FOXP1: variants seen among roughly 807,000 people sequenced by gnomAD.
FOXP1 encodes the protein forkhead box protein P1.
Under a neutral mutation model 98.2 loss-of-function variants are expected in FOXP1, and 15 were observed. That is an observed-to-expected ratio of 0.15 (90% CI 0.10 to 0.24). FOXP1 has a LOEUF of 0.24. Among genes scored for constraint, FOXP1 ranks in the 10% least tolerant of loss-of-function variants. The probability of loss-of-function intolerance (pLI) is 1.00; values close to 1 mark genes in which losing one functional copy is unlikely to be tolerated. For synonymous variants in FOXP1, 371 were observed against 314.5 expected, an observed-to-expected ratio of 1.18 and a Z score of -1.90; for missense variants, 633 against 848.5, an observed-to-expected ratio of 0.75 and a Z score of 3.15.
chr3:71,156,035 G>C lies in FOXP1; in HGVS notation c.180+42167C>G, dbSNP rs186319301. On this transcript the variant is annotated intron_variant, in intron 6 of 20. Coordinates refer to ENST00000649528, the MANE Select transcript of FOXP1 (RefSeq NM_001349338.3). Reference sequence around the variant, plus strand: ...GTAGGGCTCAGTTGGGGTTCTCACTGATTGCCTGTCTGACAGCAATCTCTC... The same window carrying C: ...GTAGGGCTCAGTTGGGGTTCTCACTCATTGCCTGTCTGACAGCAATCTCTC... Among the ~76,000 whole-genome samples the C allele has an allele frequency of 1.1e-4, 17 of 152,290 alleles. No individual in the cohort carries two copies. The East Asian group carries it at 3.3e-3, about 29-fold the overall frequency.
intron 7 of FOXP1, among the ~76,000 whole-genome samples, chr3:71,106,369 G>A (rs1230990974): frequency 6.6e-6 from 1 of 152,040 alleles, no homozygotes; most frequent in Non-Finnish European, 1.5e-5. Flanking sequence ...ACAGAGTCTC[G>A]CTGTCGCCCA....
At chr3:71,087,502 T>G (rs958636351) in intron 7 of FOXP1, among the ~76,000 whole-genome samples, 2 of 152,190 alleles carry the variant, frequency 1.3e-5, no homozygotes, top group African/African-American at 4.8e-5. Context: ...CATCACAAAA[T>G]GACAACAAAA....
At chr3:71,501,398 G>A (rs551672002) in intron 2 of FOXP1, among the ~76,000 whole-genome samples, 150 of 149,794 alleles carry the variant, frequency 1.0e-3, no homozygotes, top group African/African-American at 3.5e-3. Flanking sequence ...TGGTTCAAGC[G>A]ATTCTCCTGC....
At chr3:71,535,633 T>C (rs1189897318) in intron 2 of FOXP1, among the ~76,000 whole-genome samples, 5 of 152,106 alleles carry the variant, frequency 3.3e-5, no homozygotes, top group Middle Eastern at 3.2e-3. Flanking sequence ...GAGGCTGAGG[T>C]AGGATCTTTG....
chr3:71,030,873 G>C lies in FOXP1; in HGVS notation c.869+10455C>G, dbSNP rs2046776410. Among the ~76,000 whole-genome samples, 3 of 152,094 alleles carry C rather than the reference G, an allele frequency of 2.0e-5. No individual in the cohort carries two copies. The South Asian group carries it at 6.2e-4, about 32-fold the overall frequency. On this transcript the variant is annotated intron_variant, in intron 11 of 20. Transcript: ENST00000649528. ...CTTTAACACGAGACATCTTGTTCTT[G>C]TCATAAATCTGACTCATATGGAAAA...
intron 6 of FOXP1, among the ~76,000 whole-genome samples, chr3:71,145,263 G>A (rs181530510): frequency 5.2e-4 from 79 of 152,106 alleles, no homozygotes; most frequent in Middle Eastern, 3.4e-3. Context: ...CAGGCTGGGC[G>A]TGGTGGCTCA....
rs1246996882 is a variant in FOXP1 at position 70,954,785 on chromosome 3, CACA to C, written c.*4459_*4461del. On this transcript the variant is annotated 3_prime_UTR_variant, in exon 21 of 21. Transcript: ENST00000649528. ...TAATGTCAGTAATTAGTACTGACTA[CACA>C]ACATTTTTTTTATTGTCTGTATCCG... is the stretch of plus-strand genomic sequence containing the variant. The C allele has an allele frequency of 1.7e-5, 4 of 231,290 alleles. No homozygotes were observed. Among genetic ancestry groups the C allele is most frequent in the African/African-American group, 6.6e-5 (3 of 45,246 alleles). 14.3% of individuals were successfully genotyped at this position (231,290 alleles called of 1,614,324 possible). A position where few individuals can be genotyped will look rare whatever the true frequency, so the allele number is the denominator to read the frequency against.
intron 3 of FOXP1, among the ~76,000 whole-genome samples, chr3:71,400,214 A>G (rs950674707): frequency 3.3e-5 from 5 of 152,176 alleles, no homozygotes; most frequent in African/African-American, 1.2e-4. Flanking sequence ...TATTGATATC[A>G]TTACCTGGCT....
At chr3:71,020,880 C>G (rs1440847794) in intron 11 of FOXP1, among the ~76,000 whole-genome samples, 1 of 152,050 alleles carries the variant, frequency 6.6e-6, no homozygotes, top group African/African-American at 2.4e-5. Context: ...ACATCTGTGC[C>G]CATTACGGTT....
At chr3:71,043,982 T>C (rs181523940) in intron 10 of FOXP1, among the ~76,000 whole-genome samples, 1 of 152,220 alleles carries the variant, frequency 6.6e-6, no homozygotes, top group Non-Finnish European at 1.5e-5. Flanking sequence ...GCGATACTTC[T>C]GGGTCAAACT....
In FOXP1 at chr3:71,082,140, G is replaced by A. The variant is rs561865814; in HGVS notation, c.283-28367C>T. On this transcript the variant is annotated intron_variant, in intron 7 of 20. Coordinates refer to ENST00000649528, the MANE Select transcript of FOXP1 (RefSeq NM_001349338.3). ...CTAAAAATACAAAAATGAGCTGGGC[G>A]TGGTGGCGCACGCCTGTAATCCCAG... Among the ~76,000 whole-genome samples the A allele has an allele frequency of 4.3e-4, 66 of 152,266 alleles. 1 individual carries two copies. The South Asian group carries it at 0.013, about 30-fold the overall frequency.
intron 12 of FOXP1, among the ~76,000 whole-genome samples, chr3:71,004,626 G>A (rs529659922): frequency 2.0e-5 from 3 of 151,966 alleles, no homozygotes; most frequent in Admixed American, 1.3e-4. Flanking sequence ...ACATTTTGAC[G>A]ACTTAAAAAA....
intron 3 of FOXP1, among the ~76,000 whole-genome samples, chr3:71,432,501 T>C (rs1174116039): frequency 6.6e-6 from 1 of 152,198 alleles, no homozygotes; most frequent in Non-Finnish European, 1.5e-5. Context: ...TTCCTTTTCC[T>C]GTCCCTCCCA....
At chr3:71,052,167 G>A (rs62257229) in intron 9 of FOXP1, among the ~76,000 whole-genome samples, 1 of 147,814 alleles carries the variant, frequency 6.8e-6, no homozygotes, top group African/African-American at 2.6e-5. Context: ...TCTGTGAGCT[G>A]GGGAAAAAAA....
rs2032204313 is a variant in FOXP1 at position 70,957,933 on chromosome 3, A to G, written c.*1314T>C. Reference sequence around the variant, plus strand: ...ACCAAGTAGGTCTGAACTAATGTATAAACTCAGCGCCGCCGCCGCCACCCC... The same window carrying G: ...ACCAAGTAGGTCTGAACTAATGTATGAACTCAGCGCCGCCGCCGCCACCCC... On this transcript the variant is annotated 3_prime_UTR_variant, in exon 21 of 21. Transcript: ENST00000649528. The G allele has an allele frequency of 4.1e-6, 1 of 244,016 alleles. No homozygotes were observed. Among genetic ancestry groups the G allele is most frequent in the African/African-American group, 2.2e-5 (1 of 45,440 alleles). The allele number at this position is 244,016 out of a possible 1,614,324, so 15.1% of individuals were successfully genotyped here.
chr3:71,126,863 A>AAAAAC (rs1559985311), intron 6 of FOXP1, among the ~76,000 whole-genome samples: 11 of 136,556 alleles, frequency 8.1e-5, no homozygotes, highest in South Asian at 2.3e-4. Flanking sequence ...AAGAAAAAAA[A>AAAAAC]AAACAAACAA....
At chr3:70,970,313 T>TAAAAGAAGAAAAAGAAATACAAAG in intron 19 of FOXP1, 1 of 200,004 alleles carries the variant, frequency 5.0e-6, no homozygotes, top group South Asian at 8.3e-5. Context: ...CAGTCGACTT[T>TAAAAGAAGAAAAAGAAATACAAAG]AAAAGAAGAA....
chr3:71,209,531 T>C (rs1371541645), intron 5 of FOXP1, among the ~76,000 whole-genome samples: 2 of 152,174 alleles, frequency 1.3e-5, no homozygotes, highest in Admixed American at 1.3e-4. Context: ...CCTTACAAAA[T>C]ATCAAAAAAT....
intron 19 of FOXP1, chr3:70,970,199 A>G (rs2035908100): frequency 6.3e-6 from 1 of 158,164 alleles, no homozygotes; most frequent in Non-Finnish European, 1.4e-5. Context: ...GGAAAACTAA[A>G]GAGTCTTCTT....
Sources: allele counts gnomAD v4.1 joint callset (sites outside exome capture counted in the v4.1 genomes callset), GRCh38; gene constraint gnomAD v4.1.1; transcripts MANE v1.5; gene names NCBI Gene and HGNC (gene_info 2026-07-23, HGNC 2026-07-21).